CLYBL: variants seen among roughly 807,000 people sequenced by gnomAD.
CLYBL encodes citramalyl-CoA lyase.
CLYBL carries 31 observed loss-of-function variants against 38.9 expected under a neutral mutation model. The ratio of observed to expected loss-of-function variants is 0.80; its 90% CI spans 0.60 to 1.08. The LOEUF is 1.08. Ranked by LOEUF, CLYBL falls within the 50% of genes least tolerant of loss-of-function variation. CLYBL has a pLI of 0.00. For missense variants in CLYBL, 434 were observed against 411.6 expected, an observed-to-expected ratio of 1.05 and a Z score of -0.47; for synonymous variants, 171 against 158.6, an observed-to-expected ratio of 1.08 and a Z score of -0.59.
chr13:99,794,356 G>A (rs921876632), intron 2 of CLYBL, among the ~76,000 whole-genome samples: 5 of 152,022 alleles, frequency 3.3e-5, no homozygotes, highest in Admixed American at 2.6e-4. Flanking sequence ...GGAGGTGGAG[G>A]TTGCAGTGAG....
chr13:99,800,046 T>A (rs982516343), intron 2 of CLYBL, among the ~76,000 whole-genome samples: 2 of 152,224 alleles, frequency 1.3e-5, no homozygotes, highest in Non-Finnish European at 2.9e-5. Flanking sequence ...AAAGGAAATG[T>A]TCCTGGGAGG....
chr13:99,902,943 G>A (rs944930001), intron 8 of CLYBL, among the ~76,000 whole-genome samples: 3 of 152,276 alleles, frequency 2.0e-5, no homozygotes, highest in African/African-American at 7.2e-5. Flanking sequence ...TTTTAGGATC[G>A]CACATTTCTG....
downstream of CLYBL, among the ~76,000 whole-genome samples, chr13:99,899,873 T>C (rs1167266381): frequency 2.0e-5 from 3 of 152,144 alleles, no homozygotes; most frequent in Non-Finnish European, 4.4e-5. Context: ...GCAGAGCTGG[T>C]TGGAATATGC....
chr13:99,618,647 A>G (rs2046750056), intron 1 of CLYBL, among the ~76,000 whole-genome samples: 2 of 152,084 alleles, frequency 1.3e-5, no homozygotes, highest in African/African-American at 4.8e-5. Context: ...ACCACCATCC[A>G]TCTTCAGAAC....
At chr13:99,663,542 A>G (rs1238386065) in intron 1 of CLYBL, among the ~76,000 whole-genome samples, 1 of 152,152 alleles carries the variant, frequency 6.6e-6, no homozygotes, top group African/African-American at 2.4e-5. Flanking sequence ...TGAGCACTCC[A>G]GGCTGTGGAG....
chr13:99,669,213 A>C (rs2047528971), intron 1 of CLYBL, among the ~76,000 whole-genome samples: 1 of 152,116 alleles, frequency 6.6e-6, no homozygotes, highest in Non-Finnish European at 1.5e-5. Flanking sequence ...CACGTTGACC[A>C]GGATGCTCTC....
At position 99,819,436 on chromosome 13, in the gene CLYBL, A is replaced by T. The variant is rs867447759; in HGVS notation, c.250-39425A>T. On this transcript the variant is annotated intron_variant, in intron 2 of 8. Transcript: ENST00000339105. ...AAAATTTATATATATATATATATATATATATATATATATATATATATATAT... is the reference window on the plus strand; with the variant it reads ...AAAATTTATATATATATATATATATTTATATATATATATATATATATATAT... Among the ~76,000 whole-genome samples, 5 of 76,818 alleles carry T rather than the reference A, an allele frequency of 6.5e-5. 1 individual carries two copies. Among genetic ancestry groups the T allele is most frequent in the African/African-American group, 2.5e-4 (5 of 20,160 alleles). The allele number at this position is 76,818 out of a possible 152,430, so 50.4% of individuals were successfully genotyped here.
At chr13:99,860,272 A>G (rs2051568863) in intron 3 of CLYBL, among the ~76,000 whole-genome samples, 1 of 152,176 alleles carries the variant, frequency 6.6e-6, no homozygotes, top group Admixed American at 6.5e-5. Context: ...TAAATACAAG[A>G]TACTATTAAA....
intron 1 of CLYBL, among the ~76,000 whole-genome samples, chr13:99,657,274 A>G (rs2047342825): frequency 6.6e-6 from 1 of 152,252 alleles, no homozygotes; most frequent in Admixed American, 6.5e-5. Context: ...TGAACCTTTG[A>G]TCCGCATTCA....
chr13:99,871,671 A>C (rs536244585), intron 7 of CLYBL, among the ~76,000 whole-genome samples: 1 of 152,304 alleles, frequency 6.6e-6, no homozygotes, highest in African/African-American at 2.4e-5. Context: ...TGCTATGTAA[A>C]TATTGCAGTG....
chr13:99,672,823 G>A (rs1232491791), intron 1 of CLYBL, among the ~76,000 whole-genome samples: 2 of 151,992 alleles, frequency 1.3e-5, no homozygotes, highest in Non-Finnish European at 2.9e-5. Context: ...TTTCTCCACT[G>A]TTCATTTTGT....
At chr13:99,897,870 C>T (rs1220076295), downstream of CLYBL, among the ~76,000 whole-genome samples, 7 of 151,876 alleles carry the variant, frequency 4.6e-5, no homozygotes, top group South Asian at 6.2e-4. Context: ...TCGCTTGACC[C>T]GGGAGGCAGA....
intron 2 of CLYBL, among the ~76,000 whole-genome samples, chr13:99,827,062 C>G (rs896948970): frequency 2.0e-5 from 3 of 152,136 alleles, no homozygotes; most frequent in African/African-American, 7.2e-5. Flanking sequence ...TTTCTGGAAC[C>G]CTTCATATAC....
chr13:99,834,472 T>A (rs1285863524), intron 2 of CLYBL, among the ~76,000 whole-genome samples: 1 of 152,046 alleles, frequency 6.6e-6, no homozygotes, highest in Non-Finnish European at 1.5e-5. Context: ...GAACACTCAT[T>A]CCCCCTTCCT....
In CLYBL at chr13:99,764,400, A is replaced by G. The variant is rs544085698; in HGVS notation, c.63-8424A>G. ...GATTTCTTTCATGGGAGACTTTATT[A>G]TGGCTTCAGTATCACTACTCGTTAT... On this transcript the variant is annotated intron_variant, in intron 1 of 8. Coordinates refer to ENST00000339105, the MANE Select transcript of CLYBL (RefSeq NM_206808.5). 1.6e-4 allele frequency among the ~76,000 whole-genome samples: 25 copies of G among 152,286 alleles called. No individual in the cohort carries two copies. In the South Asian group the frequency reaches 5.2e-3, roughly 32 times the overall value.
At chr13:99,877,729 A>G (rs941038932) in intron 7 of CLYBL, 2 of 248,396 alleles carry the variant, frequency 8.1e-6, no homozygotes, top group Admixed American at 5.4e-5. Flanking sequence ...GGCGCACAAC[A>G]TGCCTGGCTA....
At chr13:99,642,437 C>G (rs1311256852) in intron 1 of CLYBL, among the ~76,000 whole-genome samples, 1 of 149,698 alleles carries the variant, frequency 6.7e-6, no homozygotes, top group Non-Finnish European at 1.5e-5. Flanking sequence ...ATTATTGAGA[C>G]AGGATCTTGC....
intron 1 of CLYBL, among the ~76,000 whole-genome samples, chr13:99,768,747 G>C (rs557944060): frequency 6.6e-6 from 1 of 151,224 alleles, no homozygotes; most frequent in Admixed American, 6.6e-5. Context: ...TCTGACCTCG[G>C]GTGATTCCCC....
rs1460991425 is a variant in CLYBL, at chr13:99,683,713, C to G, written c.62+76956C>G. Among the ~76,000 whole-genome samples the G allele has an allele frequency of 4.6e-5, 7 of 151,128 alleles. No individual in the cohort carries two copies. In the East Asian group the frequency reaches 1.2e-3, roughly 25 times the overall value. On this transcript the variant is annotated intron_variant, in intron 1 of 8. Coordinates refer to ENST00000339105, the MANE Select transcript of CLYBL (RefSeq NM_206808.5). ...TCTTCTGGAATGCCTCCTCAAGGAC[C>G]CACATGAGTCTATTTTACAGTTAAC...
Sources: allele counts gnomAD v4.1 joint callset (sites outside exome capture counted in the v4.1 genomes callset), GRCh38; gene constraint gnomAD v4.1.1; transcripts MANE v1.5; gene names NCBI Gene and HGNC (gene_info 2026-07-23, HGNC 2026-07-21).